Variants in RAB38 observed in about 807,000 individuals in gnomAD.
RAB38 encodes the protein ras-related protein Rab-38.
In RAB38, 15 loss-of-function variants were observed where a neutral mutation model predicts 18.4. That is an observed-to-expected ratio of 0.82 (90% CI 0.55 to 1.26). The LOEUF is 1.26. Among genes scored for constraint, RAB38 ranks in the 50% most tolerant of loss-of-function variants. The pLI is 0.00. For missense variants in RAB38, 294 were observed against 267.4 expected, an observed-to-expected ratio of 1.10 and a Z score of -0.69; for synonymous variants, 101 against 104.4, an observed-to-expected ratio of 0.97 and a Z score of 0.20.
chr11:88,043,243 C>T, the RAB38 span, among the ~76,000 whole-genome samples: 9 of 152,108 alleles, frequency 5.9e-5, no homozygotes, highest in Non-Finnish European at 1.3e-4. Context: ...TCAGCTAGAT[C>T]GTTATTTGTC....
chr11:87,951,147 C>T, the RAB38 span, among the ~76,000 whole-genome samples: 1 of 152,178 alleles, frequency 6.6e-6, no homozygotes, highest in Non-Finnish European at 1.5e-5. Flanking sequence ...CATCTTCCAT[C>T]ACTGATACCC....
rs1046837949 is a variant in RAB38 at position 88,135,798 on chromosome 11, CATA to C, written c.483+13874_483+13876del. On this transcript the variant is annotated intron_variant, in intron 2 of 2. Coordinates refer to ENST00000243662, the MANE Select transcript of RAB38 (RefSeq NM_022337.3). Reference sequence around the variant, plus strand: ...TGGTATTTAAAAATGGGATTTACAACATAATGTTTCAGAAACATATAGTATCCT... The same window carrying C: ...TGGTATTTAAAAATGGGATTTACAACATGTTTCAGAAACATATAGTATCCT... 3.9e-5 allele frequency among the ~76,000 whole-genome samples: 6 copies of C among 152,336 alleles called. 1 individual carries two copies. Among genetic ancestry groups the C allele is most frequent in the Admixed American group, 2.6e-4 (4 of 15,306 alleles).
chr11:87,918,003 T>G, the RAB38 span: 2 of 152,088 alleles, frequency 1.3e-5, no homozygotes, highest in East Asian at 1.9e-4. Flanking sequence ...AAGACCCATA[T>G]AGAGGGCCAA....
At chr11:87,977,454 A>G in the RAB38 span, among the ~76,000 whole-genome samples, 1 of 46,104 alleles carries the variant, frequency 2.2e-5, no homozygotes, top group African/African-American at 1.1e-4. Context: ...ATTATATTAC[A>G]TAATATAATT....
At chr11:88,131,256 A>G (rs1028592868) in intron 2 of RAB38, among the ~76,000 whole-genome samples, 3 of 152,210 alleles carry the variant, frequency 2.0e-5, no homozygotes, top group African/African-American at 7.2e-5. Flanking sequence ...AATATGATAT[A>G]ATTAAGAAGT....
chr11:88,152,282 A>G (rs1943071312), intron 1 of RAB38, among the ~76,000 whole-genome samples: 1 of 152,182 alleles, frequency 6.6e-6, no homozygotes, highest in Non-Finnish European at 1.5e-5. Flanking sequence ...GCTTGTCCAG[A>G]GGTTTTCATA....
At chr11:88,033,570 A>G in the RAB38 span, among the ~76,000 whole-genome samples, 1 of 152,046 alleles carries the variant, frequency 6.6e-6, no homozygotes, top group Non-Finnish European at 1.5e-5. Context: ...TTCTCCATGA[A>G]AAATTGATAT....
At chr11:88,042,158 T>C in the RAB38 span, among the ~76,000 whole-genome samples, 1 of 152,178 alleles carries the variant, frequency 6.6e-6, no homozygotes, top group African/African-American at 2.4e-5. Context: ...AAATACCATT[T>C]CTAAGAAATC....
chr11:87,834,319 TC>T, the RAB38 span, among the ~76,000 whole-genome samples: 2 of 152,144 alleles, frequency 1.3e-5, no homozygotes. Flanking sequence ...AGAAAACACA[TC>T]CCTGCCAACA....
chr11:87,976,635 GATTTTATATGATATATAAATATATATA>G, the RAB38 span, among the ~76,000 whole-genome samples: 2 of 118,718 alleles, frequency 1.7e-5, no homozygotes, highest in East Asian at 2.4e-4. Context: ...AAATATATAT[GATTTTATATGATATATAAATATATATA>G]ATTTTATATG....
At chr11:87,976,979 A>ATGTT in the RAB38 span, among the ~76,000 whole-genome samples, 189 of 38,992 alleles carry the variant, frequency 4.8e-3, 77 homozygotes, top group Non-Finnish European at 5.8e-3. Flanking sequence ...TATATTATAA[A>ATGTT]ATATAATTAC....
the RAB38 span, among the ~76,000 whole-genome samples, chr11:87,951,719 G>T: frequency 6.6e-6 from 1 of 152,046 alleles, no homozygotes; most frequent in South Asian, 2.1e-4. Flanking sequence ...GCGGATATTG[G>T]TGAACCGCAA....
At chr11:88,114,247 AC>A in intron 2 of RAB38, 107 bp from the exon 3 acceptor site, 1 of 1,158,020 alleles carries the variant, frequency 8.6e-7, no homozygotes, top group African/African-American at 1.5e-5. Flanking sequence ...CCTATATGCT[AC>A]ATATGCATCC....
the RAB38 span, among the ~76,000 whole-genome samples, chr11:87,868,171 T>TGGG: frequency 2.0e-5 from 3 of 151,646 alleles, no homozygotes; most frequent in Non-Finnish European, 4.4e-5. Flanking sequence ...GTTTGGGTCA[T>TGGG]GGGGGCAAAT....
chr11:87,920,857 T>C, the RAB38 span, among the ~76,000 whole-genome samples: 2 of 152,120 alleles, frequency 1.3e-5, no homozygotes, highest in Non-Finnish European at 2.9e-5. Flanking sequence ...TTGCATTTCC[T>C]TGATGAATTG....
At chr11:88,019,175 A>C in the RAB38 span, among the ~76,000 whole-genome samples, 1 of 152,266 alleles carries the variant, frequency 6.6e-6, no homozygotes, top group East Asian at 1.9e-4. Flanking sequence ...TGGATGATTA[A>C]CAGGTAACTC....
chr11:87,902,602 A>G, the RAB38 span, among the ~76,000 whole-genome samples: 1 of 151,462 alleles, frequency 6.6e-6, no homozygotes, highest in South Asian at 2.1e-4. Flanking sequence ...GTTTGAGTAG[A>G]AGTCACTTAT....
chr11:88,128,096 C>T (rs1008000754), intron 2 of RAB38, among the ~76,000 whole-genome samples: 3 of 152,254 alleles, frequency 2.0e-5, no homozygotes, highest in East Asian at 1.9e-4. Context: ...TCCATTACAC[C>T]GAATCTCTTT....
the RAB38 span, among the ~76,000 whole-genome samples, chr11:87,892,652 A>G: frequency 6.6e-6 from 1 of 151,706 alleles, no homozygotes; most frequent in African/African-American, 2.4e-5. Context: ...CTCATCTTAA[A>G]CACCTGAGGA....
Sources: gnomAD v4.1 joint callset for allele counts (sites outside exome capture counted in the v4.1 genomes callset) on GRCh38, gnomAD v4.1.1 for gene constraint, MANE v1.5 for transcripts, NCBI Gene and HGNC (gene_info 2026-07-23, HGNC 2026-07-21) for gene names.